Variants in OTC observed in about 807,000 individuals in gnomAD.
OTC encodes ornithine transcarbamylase, mitochondrial.
OTC carries 3 observed loss-of-function variants against 30.3 expected under a neutral mutation model. The observed-to-expected ratio is 0.10, with a 90% CI of 0.05 to 0.26. The LOEUF (loss-of-function observed/expected upper bound fraction) is 0.26, where lower values mean the gene tolerates loss of function less well. Among genes scored for constraint, OTC ranks in the 10% least tolerant of loss-of-function variants. The probability of loss-of-function intolerance (pLI) is 1.00; values close to 1 mark genes in which losing one functional copy is unlikely to be tolerated. For missense variants in OTC, 194 were observed against 260.3 expected (o/e 0.75, Z 1.75); for synonymous variants, 111 against 99.7 (o/e 1.11, Z -0.67).
chrX:38,380,224 A>G (rs1455946630), intron 3 of OTC, among the ~76,000 whole-genome samples: 2 of 111,944 alleles, frequency 1.8e-5, no homozygotes, highest in Admixed American at 9.5e-5. Flanking sequence ...TTTTGAGTCA[A>G]ATTCTCCTTT....
At chrX:38,365,252 C>T (rs2068289757) in intron 1 of OTC, among the ~76,000 whole-genome samples, 1 of 112,882 alleles carries the variant, frequency 8.9e-6, no homozygotes, top group African/African-American at 3.2e-5. Flanking sequence ...TTTATAATTT[C>T]GAATGGTAGA....
chrX:38,411,440 C>T (rs190858976), intron 8 of OTC, among the ~76,000 whole-genome samples: 1,816 of 108,516 alleles, frequency 0.017, 32 homozygotes, highest in African/African-American at 0.058. Context: ...GCGAGGCGGG[C>T]GGATCATTTG....
At chrX:38,380,997 G>A (rs1452228218) in intron 3 of OTC, among the ~76,000 whole-genome samples, 1 of 112,346 alleles carries the variant, frequency 8.9e-6, no homozygotes, top group East Asian at 2.8e-4. Flanking sequence ...CCAAAGTGCT[G>A]GGATTATAGG....
At chrX:38,342,322 CT>C in the OTC span, among the ~76,000 whole-genome samples, 3 of 111,014 alleles carry the variant, frequency 2.7e-5, no homozygotes, top group Non-Finnish European at 3.8e-5. Flanking sequence ...CTGAATTTCA[CT>C]TTTAATACAG....
upstream of OTC, among the ~76,000 whole-genome samples, chrX:38,351,908 G>A (rs1047208337): frequency 9.4e-4 from 105 of 111,330 alleles, 1 homozygote; most frequent in African/African-American, 3.3e-3. Context: ...TTACAGGTGT[G>A]CACCACCACG....
At chrX:38,414,418 A>T (rs2068559576) in intron 9 of OTC, among the ~76,000 whole-genome samples, 1 of 111,756 alleles carries the variant, frequency 8.9e-6, no homozygotes, top group Non-Finnish European at 1.9e-5. Flanking sequence ...CCCATTCCCC[A>T]TACCCCTGAG....
intron 6 of OTC, 64 bp from the exon 7 acceptor site, chrX:38,408,678 A>G: frequency 2.7e-6 from 2 of 741,854 alleles, no homozygotes; most frequent in Non-Finnish European, 4.1e-6. Context: ...AGAAAATAAT[A>G]TATATTTAAG....
chrX:38,394,899 G>C (rs34416000), intron 4 of OTC, among the ~76,000 whole-genome samples: 8 of 110,371 alleles, frequency 7.2e-5, no homozygotes, highest in East Asian at 2.8e-4. Flanking sequence ...TTTCTGGGGG[G>C]GGGCAGGGCA....
At chrX:38,397,596 A>G (rs1475549739) in intron 4 of OTC, among the ~76,000 whole-genome samples, 2 of 112,106 alleles carry the variant, frequency 1.8e-5, no homozygotes, top group Non-Finnish European at 3.8e-5. Context: ...TAAAGAAAAT[A>G]CGTCTTTTAT....
intron 2 of OTC, 88 bp from the exon 3 acceptor site, chrX:38,369,708 A>C (rs1026157588): frequency 2.2e-6 from 1 of 453,747 alleles, no homozygotes; most frequent in African/African-American, 2.5e-5. Context: ...GGGGGTAGTT[A>C]TTACTTATTT....
At chrX:38,399,351 A>G (rs2068472719) in intron 4 of OTC, among the ~76,000 whole-genome samples, 1 of 111,236 alleles carries the variant, frequency 9.0e-6, no homozygotes, top group African/African-American at 3.3e-5. Context: ...ACAATATAGT[A>G]AGAATATTTT....
At chrX:38,401,585 C>G (rs1476898995) in intron 5 of OTC, among the ~76,000 whole-genome samples, 157 bp downstream of exon 5, 2 of 112,219 alleles carry the variant, frequency 1.8e-5, no homozygotes, top group Non-Finnish European at 3.8e-5. Flanking sequence ...CTGGGGAAAA[C>G]AGGACATTGT....
In OTC at chrX:38,352,703, T is replaced by C; in HGVS notation, c.7T>C (p.Phe3Leu). ML[F>L]NLRILLNNAA... ...TTTACACAATTAAAAGAAGATGCTG[T>C]TTAATCTGAGGATCCTGTTAAACAA... Residue 3 changes from phenylalanine to leucine, a missense_variant, in exon 1 of 10, where the codon TTT (phenylalanine) becomes CTT (leucine). By Grantham distance (22) the Phe-to-Leu change is conservative (BLOSUM62 0). Coordinates refer to ENST00000039007, the MANE Select transcript of OTC (RefSeq NM_000531.6). 8.3e-7 allele frequency: 1 copy of C among 1,203,221 alleles called. No individual in the cohort carries two copies. Among genetic ancestry groups the C allele is most frequent in the Non-Finnish European group, 1.1e-6 (1 of 887,607 alleles).
At chrX:38,354,441 C>T (rs1280516475) in intron 1 of OTC, among the ~76,000 whole-genome samples, 1 of 112,046 alleles carries the variant, frequency 8.9e-6, no homozygotes, top group Non-Finnish European at 1.9e-5. Context: ...GGAACTTAAA[C>T]TTATACTGTT....
rs1237856976 is a variant in OTC at position 38,374,844 on chromosome X, G to T, written c.298+4967G>T. ...ATAAATAATTTTTTGACGAATGTGC[G>T]GTATTTATGTGTATTTAGGTGACGT... is the stretch of plus-strand genomic sequence containing the variant. On this transcript the variant is annotated intron_variant, in intron 3 of 9. Coordinates refer to ENST00000039007, the MANE Select transcript of OTC (RefSeq NM_000531.6). Among the ~76,000 whole-genome samples the T allele has an allele frequency of 2.7e-5, 3 of 111,751 alleles. No individual in the cohort carries two copies. In the East Asian group the frequency reaches 8.5e-4, roughly 32 times the overall value.
At chrX:38,383,898 A>G (rs1027096560) in intron 4 of OTC, among the ~76,000 whole-genome samples, 4 of 111,618 alleles carry the variant, frequency 3.6e-5, no homozygotes, top group African/African-American at 9.8e-5. Context: ...AGGTTTGATG[A>G]TTCACTAGGA....
At chrX:38,358,152 T>C (rs1415554729) in intron 1 of OTC, among the ~76,000 whole-genome samples, 1 of 110,929 alleles carries the variant, frequency 9.0e-6, no homozygotes, top group Non-Finnish European at 1.9e-5. Flanking sequence ...CTGCCTCCTA[T>C]TGAAGAATGA....
chrX:38,350,649 C>T (rs1818387882), upstream of OTC, among the ~76,000 whole-genome samples: 1 of 111,683 alleles, frequency 9.0e-6, no homozygotes, highest in South Asian at 3.7e-4. Context: ...TGCAGCTCCC[C>T]TTTTCCAATC....
chrX:38,348,663 A>G (rs2068201031), upstream of OTC, among the ~76,000 whole-genome samples: 1 of 107,741 alleles, frequency 9.3e-6, no homozygotes, highest in South Asian at 4.2e-4. Flanking sequence ...CAGCCTCCCA[A>G]GTAGCTGGGA....
Sources: allele counts gnomAD v4.1 joint callset (sites outside exome capture counted in the v4.1 genomes callset), GRCh38; gene constraint gnomAD v4.1.1; transcripts MANE v1.5; gene names NCBI Gene and HGNC (gene_info 2026-07-23, HGNC 2026-07-21).